The following GALNT16 variants were observed in gnomAD, a reference collection of about 807,000 sequenced individuals.
The protein encoded by GALNT16 is polypeptide N-acetylgalactosaminyltransferase 16, also known as UDP-GalNAc:polypeptide N-acetylgalactosaminyltransferase-like protein 1.
A neutral mutation model predicts 76.1 loss-of-function variants in GALNT16; 40 were observed. The observed-to-expected ratio is 0.53, with a 90% CI of 0.41 to 0.68. The LOEUF (loss-of-function observed/expected upper bound fraction) is 0.68. Ranked by LOEUF, GALNT16 falls within the 30% of genes least tolerant of loss-of-function variation. The pLI is 0.00. For synonymous variants in GALNT16, 276 were observed against 285.2 expected (o/e 0.97, Z 0.32); for missense variants, 621 against 731.9 (o/e 0.85, Z 1.75).
At chr14:69,336,978 C>T (rs2045423631) in intron 9 of GALNT16, among the ~76,000 whole-genome samples, 1 of 152,196 alleles carries the variant, frequency 6.6e-6, no homozygotes, top group Admixed American at 6.5e-5. Context: ...CTGCCGCCCT[C>T]AGCCTCCCAA....
At chr14:69,380,270 A>C in the GALNT16 span, 1 of 337,770 alleles carries the variant, frequency 3.0e-6, no homozygotes, top group East Asian at 4.8e-5. Flanking sequence ...GAAGGACTGG[A>C]ACCAACATTA....
chr14:69,281,000 C>G (rs1386446767), intron 1 of GALNT16, among the ~76,000 whole-genome samples: 1 of 152,102 alleles, frequency 6.6e-6, no homozygotes, highest in African/African-American at 2.4e-5. Flanking sequence ...AATAAAAACA[C>G]GGAGTCTTCG....
At chr14:69,311,269 G>A (rs1179772754) in intron 1 of GALNT16, among the ~76,000 whole-genome samples, 4 of 152,176 alleles carry the variant, frequency 2.6e-5, no homozygotes, top group Non-Finnish European at 2.9e-5. Flanking sequence ...CTGTGTCCTC[G>A]TATGGCAGAA....
intron 1 of GALNT16, among the ~76,000 whole-genome samples, chr14:69,295,120 A>G (rs2044740051): frequency 6.6e-6 from 1 of 152,152 alleles, no homozygotes; most frequent in Non-Finnish European, 1.5e-5. Context: ...AACCACCTCA[A>G]CATTTAACAT....
At chr14:69,277,897 C>G (rs1374658384) in intron 1 of GALNT16, among the ~76,000 whole-genome samples, 1 of 152,112 alleles carries the variant, frequency 6.6e-6, no homozygotes, top group East Asian at 1.9e-4. Flanking sequence ...TGTTTCCTGA[C>G]TTTTTAATGA....
At chr14:69,262,337 A>G (rs922582820) in intron 1 of GALNT16, among the ~76,000 whole-genome samples, 8 of 152,172 alleles carry the variant, frequency 5.3e-5, no homozygotes, top group African/African-American at 1.9e-4. Flanking sequence ...AGAGTCCTGT[A>G]AGATGCACTG....
intron 1 of GALNT16, among the ~76,000 whole-genome samples, chr14:69,306,438 A>G (rs1241770146): frequency 6.6e-6 from 1 of 152,190 alleles, no homozygotes; most frequent in Non-Finnish European, 1.5e-5. Flanking sequence ...ATACCAGTTT[A>G]TACTCCCACT....
chr14:69,326,154 A>C, intron 5 of GALNT16, 127 bp downstream of exon 5: 1 of 751,162 alleles, frequency 1.3e-6, no homozygotes, highest in Non-Finnish European at 2.4e-6. Flanking sequence ...GATGGCTGAG[A>C]CCAGGTTCTG....
At chr14:69,320,562 T>C (rs1555399905) in intron 1 of GALNT16, 149 bp from the exon 2 acceptor site, 3 of 633,192 alleles carry the variant, frequency 4.7e-6, no homozygotes, top group Non-Finnish European at 8.6e-6. Context: ...TTCTGTACAG[T>C]GGGGGAGATA....
At chr14:69,337,644 A>G (rs1195199171) in intron 9 of GALNT16, among the ~76,000 whole-genome samples, 2 of 152,216 alleles carry the variant, frequency 1.3e-5, no homozygotes, top group African/African-American at 4.8e-5. Flanking sequence ...AGGCAGACCT[A>G]GGGAAGCCCA....
At chr14:69,334,523 A>G (rs1358313622) in intron 9 of GALNT16, among the ~76,000 whole-genome samples, 2 of 152,170 alleles carry the variant, frequency 1.3e-5, no homozygotes, top group East Asian at 3.9e-4. Context: ...AGTGTTTATT[A>G]AAGGGCTTAT....
intron 1 of GALNT16, among the ~76,000 whole-genome samples, chr14:69,312,819 C>T (rs931174369): frequency 1.3e-5 from 2 of 152,184 alleles, no homozygotes; most frequent in African/African-American, 4.8e-5. Flanking sequence ...TGTCAGGACT[C>T]AGCTGTGTGC....
chr14:69,373,768 CTT>C, the GALNT16 span, among the ~76,000 whole-genome samples: 1 of 150,824 alleles, frequency 6.6e-6, no homozygotes, highest in Non-Finnish European at 1.5e-5. Context: ...TTCTCTCTCT[CTT>C]TCTCTCTTTC....
At chr14:69,305,742 G>T (rs4496059) in intron 1 of GALNT16, among the ~76,000 whole-genome samples, 41,956 of 151,836 alleles carry the variant, frequency 0.28, 6,825 homozygotes, top group East Asian at 0.76. Context: ...GATTGTGTCC[G>T]TTGCTGTGCA....
chr14:69,320,753 C>G lies in GALNT16; in HGVS notation c.220C>G (p.Leu74Val). ...PSKGFDEKAY[L>V]SAKQLKAGED... ...GAAAGGCTTTGATGAGAAGGCCTAC[C>G]TGTCGGCCAAGCAGCTGAAGGCTGG... is the stretch of plus-strand genomic sequence containing the variant. The change falls in exon 2 of 15, where the codon CTG becomes GTG. Residue 74 changes from leucine (L) to valine (V), a missense_variant. Coordinates refer to ENST00000448469, the MANE Select transcript of GALNT16 (RefSeq NM_001168368.2). 1 of 1,614,142 alleles carries G rather than the reference C, an allele frequency of 6.2e-7. No homozygotes were observed. The highest frequency in any genetic ancestry group is 1.1e-5 in the South Asian group (1 of 91,084).
At chr14:69,281,528 G>A (rs2044541233) in intron 1 of GALNT16, among the ~76,000 whole-genome samples, 1 of 152,218 alleles carries the variant, frequency 6.6e-6, no homozygotes, top group South Asian at 2.1e-4. Context: ...GGTGGACCCA[G>A]TGCTCTGCTT....
In GALNT16 at chr14:69,324,716, G is replaced by A. The variant is rs148892767; in HGVS notation, c.360G>A (p.Ser120=). 1.9e-5 allele frequency: 31 copies of A among 1,612,052 alleles called. No individual in the cohort carries two copies. Among genetic ancestry groups the A allele is most frequent in the African/African-American group, 1.5e-4 (11 of 74,868 alleles). ...GCTGCCCATCTGTGTCCTACTCCTC[G>A]GACCTGCCAGCCACCAGCGTCATCA... is the stretch of plus-strand genomic sequence containing the variant. ...HYSCPSVSYS[S]DLPATSVIIT... The change falls in exon 3 of 15, where the codon TCG becomes TCA. Residue 120 remains serine (S), a synonymous_variant. Transcript: ENST00000448469.
At chr14:69,344,838 T>C (rs2045541211) in intron 12 of GALNT16, among the ~76,000 whole-genome samples, 1 of 152,168 alleles carries the variant, frequency 6.6e-6, no homozygotes, top group Admixed American at 6.5e-5. Flanking sequence ...ACCCATCTTG[T>C]CTCTATAGAG....
At chr14:69,386,319 T>C in the GALNT16 span, among the ~76,000 whole-genome samples, 4 of 152,344 alleles carry the variant, frequency 2.6e-5, no homozygotes, top group Non-Finnish European at 4.4e-5. Flanking sequence ...TGACATGTAA[T>C]AAATATTCAA....
Sources: gnomAD v4.1 joint callset for allele counts (sites outside exome capture counted in the v4.1 genomes callset) on GRCh38, gnomAD v4.1.1 for gene constraint, MANE v1.5 for transcripts, NCBI Gene and HGNC (gene_info 2026-07-23, HGNC 2026-07-21) for gene names.